Variants in ARHGAP44 observed in about 807,000 individuals in gnomAD.
ARHGAP44 encodes the protein Rho GTPase activating protein 44.
Under a neutral mutation model 106.8 loss-of-function variants are expected in ARHGAP44, and 43 were observed. The observed-to-expected ratio is 0.40, with a 90% CI of 0.32 to 0.52. The LOEUF (loss-of-function observed/expected upper bound fraction) is 0.52. Among genes scored for constraint, ARHGAP44 ranks in the 20% least tolerant of loss-of-function variants. ARHGAP44 has a pLI of 0.48. For missense variants in ARHGAP44, 866 were observed against 1,050.5 expected (o/e 0.82, Z 2.43); for synonymous variants, 439 against 410.3 (o/e 1.07, Z -0.85).
intron 1 of ARHGAP44, among the ~76,000 whole-genome samples, chr17:12,814,572 G>A (rs776185141): frequency 4.6e-5 from 7 of 151,866 alleles, no homozygotes; most frequent in South Asian, 4.2e-4. Flanking sequence ...TTCTGTACCC[G>A]GAGCAGATAT....
chr17:12,910,546 G>T (rs1000607398), intron 4 of ARHGAP44, among the ~76,000 whole-genome samples: 3 of 150,360 alleles, frequency 2.0e-5, no homozygotes, highest in African/African-American at 7.4e-5. Context: ...CATCCCGGGT[G>T]CAAGGGATTC....
At chr17:12,981,637 A>G (rs547279387) in intron 19 of ARHGAP44, among the ~76,000 whole-genome samples, 24 of 151,854 alleles carry the variant, frequency 1.6e-4, no homozygotes, top group African/African-American at 5.8e-4. Flanking sequence ...ACCTCAGGTG[A>G]TCTGCCCACC....
chr17:12,856,107 T>C (rs1208648980), intron 1 of ARHGAP44, among the ~76,000 whole-genome samples: 4 of 152,236 alleles, frequency 2.6e-5, no homozygotes, highest in African/African-American at 9.6e-5. Context: ...GGCTTCTCCA[T>C]AGCTGAGGGG....
At chr17:12,927,426 C>T (rs1387537479) in intron 6 of ARHGAP44, among the ~76,000 whole-genome samples, 1 of 152,170 alleles carries the variant, frequency 6.6e-6, no homozygotes, top group Non-Finnish European at 1.5e-5. Flanking sequence ...TGATTAGATT[C>T]TTGACTCTTG....
Position 12,973,509 on chromosome 17 carries a change from C to T in ARHGAP44, c.1541+190C>T, listed in dbSNP as rs1441049327. ...GGACCATAGGCACAAGCAGCCCCTT[C>T]CCTGCTGTGTAGACAAGTGGGAGTG... On this transcript the variant is annotated intron_variant, in intron 17 of 20. Transcript: ENST00000379672. The T allele has an allele frequency of 7.9e-6, 5 of 636,134 alleles. No homozygotes were observed. The Admixed American group carries it at 1.4e-4, about 18-fold the overall frequency. 39.4% of individuals were successfully genotyped at this position (636,134 alleles called of 1,614,324 possible).
At chr17:12,854,350 T>C (rs1749376854) in intron 1 of ARHGAP44, among the ~76,000 whole-genome samples, 1 of 152,120 alleles carries the variant, frequency 6.6e-6, no homozygotes, top group Non-Finnish European at 1.5e-5. Context: ...ACCCCTGAAC[T>C]AAGTTAGAAT....
In ARHGAP44 at chr17:12,990,402, T is replaced by C; in HGVS notation, c.*231T>C. 1.9e-6 allele frequency: 1 copy of C among 513,180 alleles called. No homozygotes were observed. Among genetic ancestry groups the C allele is most frequent in the Non-Finnish European group, 3.5e-6 (1 of 288,848 alleles). The allele number at this position is 513,180 out of a possible 1,614,324, so 31.8% of individuals were successfully genotyped here. ...GGTGACTTCGGCCTTTTGTTTGACCTTTGCCTTTTGACTTTGTGCCTCTTT... is the reference window on the plus strand; with the variant it reads ...GGTGACTTCGGCCTTTTGTTTGACCCTTGCCTTTTGACTTTGTGCCTCTTT... On this transcript the variant is annotated 3_prime_UTR_variant, in exon 21 of 21. Transcript: ENST00000379672.
At chr17:12,806,031 C>G (rs185597640) in intron 1 of ARHGAP44, among the ~76,000 whole-genome samples, 34 of 152,298 alleles carry the variant, frequency 2.2e-4, no homozygotes, top group Non-Finnish European at 8.8e-5. Context: ...CATCTGACAG[C>G]ATTTCTACCT....
Position 12,943,611 on chromosome 17 carries a change from C to T in ARHGAP44, c.675C>T (p.Tyr225=). Residue 225 remains tyrosine, a synonymous_variant, in exon 9 of 21, where the codon TAC becomes TAT. Coordinates refer to ENST00000379672, the MANE Select transcript of ARHGAP44 (RefSeq NM_014859.6). ...FQTLIEVQAE[Y]HRKSLTLLQA... is the part of the protein sequence containing the mutation. The stretch of plus-strand genomic sequence containing the variant: ...AGCTAATAGAAGTGCAAGCTGAATA[C>T]CACAGGAAGTCCCTGACACTATTGC... 6.2e-7 allele frequency: 1 copy of T among 1,613,880 alleles called. No individual in the cohort carries two copies. Among genetic ancestry groups the T allele is most frequent in the Non-Finnish European group, 8.5e-7 (1 of 1,179,848 alleles).
At chr17:12,932,507 A>G (rs9912171) in intron 7 of ARHGAP44, among the ~76,000 whole-genome samples, 18,878 of 152,224 alleles carry the variant, frequency 0.12, 2,120 homozygotes, top group African/African-American at 0.31. Flanking sequence ...GACATCTGCC[A>G]TTAAAAATTT....
chr17:12,937,682 C>T (rs911712566), intron 7 of ARHGAP44, among the ~76,000 whole-genome samples: 2 of 152,108 alleles, frequency 1.3e-5, no homozygotes, highest in Non-Finnish European at 1.5e-5. Flanking sequence ...AAGCCCCCTG[C>T]GTGCTGGACC....
At chr17:12,811,398 T>C (rs1427473098) in intron 1 of ARHGAP44, among the ~76,000 whole-genome samples, 1 of 152,058 alleles carries the variant, frequency 6.6e-6, no homozygotes, top group Non-Finnish European at 1.5e-5. Flanking sequence ...GTCTTCATCC[T>C]GGTCTTCACA....
At chr17:12,887,311 C>G (rs1451096360) in intron 1 of ARHGAP44, among the ~76,000 whole-genome samples, 1 of 152,120 alleles carries the variant, frequency 6.6e-6, no homozygotes, top group African/African-American at 2.4e-5. Flanking sequence ...CACATTGAAC[C>G]TTGACCTCCT....
chr17:12,878,875 A>C (rs2036634540), intron 1 of ARHGAP44, among the ~76,000 whole-genome samples: 2 of 152,244 alleles, frequency 1.3e-5, no homozygotes, highest in South Asian at 4.1e-4. Flanking sequence ...TTAAGAACAA[A>C]TTTAAGCAGA....
chr17:12,981,667 G>C (rs568778555), intron 19 of ARHGAP44, among the ~76,000 whole-genome samples: 1 of 151,900 alleles, frequency 6.6e-6, no homozygotes, highest in South Asian at 2.1e-4. Context: ...CAAAGTGCTG[G>C]GATTACAGGC....
At position 12,949,889 on chromosome 17, in the gene ARHGAP44, G is replaced by A. The variant is rs1020991384; in HGVS notation, c.1055+159G>A. 6.6e-6 allele frequency among the ~76,000 whole-genome samples: 1 copy of A among 152,184 alleles called. No individual in the cohort carries two copies. Among genetic ancestry groups the A allele is most frequent in the African/African-American group, 2.4e-5 (1 of 41,444 alleles). ...ATTTGCCCAAGGAGGCAGGTCCAGG[G>A]ATATTGATGGTAGCATTATCTGAGA... On this transcript the variant is annotated intron_variant, in intron 12 of 20. Coordinates refer to ENST00000379672, the MANE Select transcript of ARHGAP44 (RefSeq NM_014859.6). The surrounding 1 kb of genome is among the most constrained non-coding windows in gnomAD (Gnocchi z 4.1).
chr17:12,880,587 AC>A (rs111228284), intron 1 of ARHGAP44, among the ~76,000 whole-genome samples: 3,848 of 151,852 alleles, frequency 0.025, 162 homozygotes, highest in African/African-American at 0.087. Flanking sequence ...GCTCTTTATT[AC>A]CATATAATAT....
intron 1 of ARHGAP44, among the ~76,000 whole-genome samples, chr17:12,827,309 G>A (rs1226983926): frequency 2.0e-5 from 3 of 151,858 alleles, no homozygotes; most frequent in Non-Finnish European, 4.4e-5. Context: ...ACATCCTTCT[G>A]TGATGCCATG....
chr17:12,915,736 A>G (rs916297433), intron 4 of ARHGAP44, among the ~76,000 whole-genome samples, 164 bp from the exon 5 acceptor site: 2 of 152,242 alleles, frequency 1.3e-5, no homozygotes, highest in Non-Finnish European at 2.9e-5. Flanking sequence ...TCAGAAATGC[A>G]GAGAGCTGGA....
Sources: gnomAD v4.1 joint callset for allele counts (sites outside exome capture counted in the v4.1 genomes callset) on GRCh38, gnomAD v4.1.1 for gene constraint, Gnocchi (gnomAD v3.1) non-coding constraint, MANE v1.5 for transcripts, NCBI Gene and HGNC (gene_info 2026-07-23, HGNC 2026-07-21) for gene names.